PCDHGA2: variants seen among roughly 807,000 people sequenced by gnomAD.
PCDHGA2 encodes protocadherin gamma-A2.
In PCDHGA2, 40 loss-of-function variants were observed where a neutral mutation model predicts 59.2. The observed-to-expected ratio is 0.68, with a 90% CI of 0.52 to 0.88. The LOEUF (loss-of-function observed/expected upper bound fraction) is 0.88, where lower values mean the gene tolerates loss of function less well. Ranked by LOEUF, PCDHGA2 falls within the 40% of genes least tolerant of loss-of-function variation. The pLI is 0.00. For synonymous variants in PCDHGA2, 560 were observed against 526.0 expected (o/e 1.06, Z -0.89); for missense variants, 1,226 against 1,204.0 (o/e 1.02, Z -0.27).
At chr5:141,361,729 C>A in intron 1 of PCDHGA2, 1 of 1,613,256 alleles carries the variant, frequency 6.2e-7, no homozygotes, top group East Asian at 2.2e-5. Flanking sequence ...CGAGCTCACA[C>A]TGCAGGCCCG....
At chr5:141,399,196 G>A (rs201540226) in intron 1 of PCDHGA2, 2 of 1,613,938 alleles carry the variant, frequency 1.2e-6, no homozygotes, top group Non-Finnish European at 1.7e-6. Flanking sequence ...GGAAAACGCG[G>A]TGCCTGGAAC....
chr5:141,466,812 G>T (rs1394979761), intron 1 of PCDHGA2, among the ~76,000 whole-genome samples: 1 of 151,940 alleles, frequency 6.6e-6, no homozygotes, highest in African/African-American at 2.4e-5. Flanking sequence ...ATTCAGACAT[G>T]GTATAACAAG....
chr5:141,404,973 A>T, intron 1 of PCDHGA2: 1 of 1,613,952 alleles, frequency 6.2e-7, no homozygotes, highest in South Asian at 1.1e-5. Flanking sequence ...ATCCTGGCTG[A>T]CCTGGGCAGT....
At position 141,360,218 on chromosome 5, in the gene PCDHGA2, C is replaced by G. The variant is rs1331722103; in HGVS notation, c.2424+18823C>G. ...TTCCTGTTGTCTTTGTTCCCCGGGG[C>G]TCTCCCAGTCCAGATCCGCTATTCA... On this transcript the variant is annotated intron_variant, in intron 1 of 3. Transcript: ENST00000394576. The G allele has an allele frequency of 1.9e-6, 3 of 1,613,260 alleles. No homozygotes were observed. In the East Asian group the frequency reaches 6.7e-5, roughly 36 times the overall value.
At chr5:141,400,796 A>G (rs2094076929) in intron 1 of PCDHGA2, 1 of 559,742 alleles carries the variant, frequency 1.8e-6, no homozygotes. Context: ...CCTCTTTCTC[A>G]AAGCTAATGA....
intron 1 of PCDHGA2, chr5:141,388,629 G>T (rs755930967): frequency 6.2e-7 from 1 of 1,613,942 alleles, no homozygotes. Context: ...CGTATACAGG[G>T]TGAGCCTTTC....
Position 141,415,188 on chromosome 5 carries a change from C to G in PCDHGA2, c.2424+73793C>G, listed in dbSNP as rs2095841560. On this transcript the variant is annotated intron_variant, in intron 1 of 3. Coordinates refer to ENST00000394576, the MANE Select transcript of PCDHGA2 (RefSeq NM_018915.4). Reference sequence around the variant, plus strand: ...CGCTCACCGTGGCCGTGGCCGACAGCATCCCCCAAGTCCTGGCGGACCTCG... The same window carrying G: ...CGCTCACCGTGGCCGTGGCCGACAGGATCCCCCAAGTCCTGGCGGACCTCG... 3 of 1,614,006 alleles carry G rather than the reference C, an allele frequency of 1.9e-6. No homozygotes were observed. The East Asian group carries it at 6.7e-5, about 36-fold the overall frequency.
In PCDHGA2 at chr5:141,357,367, C is replaced by A. The variant is rs377276213; in HGVS notation, c.2424+15972C>A. On this transcript the variant is annotated intron_variant, in intron 1 of 3. Coordinates refer to ENST00000394576, the MANE Select transcript of PCDHGA2 (RefSeq NM_018915.4). The stretch of plus-strand genomic sequence containing the variant: ...CAAGCTGAGACGCTGGCACAAGTCA[C>A]GCCTGCTTCACGCTGAAGGCAGCAG... 6 of 1,614,060 alleles carry A rather than the reference C, an allele frequency of 3.7e-6. No individual in the cohort carries two copies. In the African/African-American group the frequency reaches 6.7e-5, roughly 18 times the overall value.
chr5:141,350,223 C>T lies in PCDHGA2; in HGVS notation c.2424+8828C>T, dbSNP rs1185126722. On this transcript the variant is annotated intron_variant, in intron 1 of 3. Coordinates refer to ENST00000394576, the MANE Select transcript of PCDHGA2 (RefSeq NM_018915.4). ...GGTGCTGCCATTTCTTTTTGAAAAACATCCCAGAGGAAAGAAGCTCCGCGG... is the reference window on the plus strand; with the variant it reads ...GGTGCTGCCATTTCTTTTTGAAAAATATCCCAGAGGAAAGAAGCTCCGCGG... 4 of 1,493,424 alleles carry T rather than the reference C, an allele frequency of 2.7e-6. No individual in the cohort carries two copies. The South Asian group carries it at 5.8e-5, about 22-fold the overall frequency. 92.5% of individuals were successfully genotyped at this position (1,493,424 alleles called of 1,614,324 possible).
Position 141,487,781 on chromosome 5 carries a change from G to T in PCDHGA2, c.2425-7026G>T. ...AGACGCTGTGCTTTGTAACTGTTTC[G>T]TGAATTAACCAGAGTTGTCACAGTT... On this transcript the variant is annotated intron_variant, in intron 1 of 3. Transcript: ENST00000394576. This position sits in a 1 kb window ranked among gnomAD's most constrained non-coding sequence, Gnocchi z 5.0. 2 of 1,526,850 alleles carry T rather than the reference G, an allele frequency of 1.3e-6. No homozygotes were observed. The highest frequency in any genetic ancestry group is 8.8e-7 in the Non-Finnish European group (1 of 1,130,880). The allele number at this position is 1,526,850 out of a possible 1,614,324, so 94.6% of individuals were successfully genotyped here. A position where few individuals can be genotyped will look rare whatever the true frequency, so the allele number is the denominator to read the frequency against.
In PCDHGA2 at chr5:141,511,028, T is replaced by G. The variant is rs1279056657; in HGVS notation, c.2654T>G (p.Leu885Arg). The G allele has an allele frequency of 3.7e-6, 6 of 1,614,084 alleles. No individual in the cohort carries two copies. The highest frequency in any genetic ancestry group is 1.7e-5 in the Admixed American group (1 of 60,004). ...LSARYGPQFT[L>R]QHVPDYRQNV... is the part of the protein sequence containing the mutation. The stretch of plus-strand genomic sequence containing the variant: ...GCCCGCTACGGACCCCAGTTCACCC[T>G]GCAGCACGTGCCCGACTACCGCCAG... Residue 885 changes from leucine to arginine, a missense_variant, in exon 4 of 4, where the codon CTG becomes CGG. Physicochemically the swap from Leu to Arg is moderately radical, Grantham distance 102. Transcript: ENST00000394576.
chr5:141,391,872 CTT>C (rs1248262671), intron 1 of PCDHGA2: 1 of 152,168 alleles, frequency 6.6e-6, no homozygotes, highest in East Asian at 1.9e-4. Context: ...TTAATCATCT[CTT>C]TGGTGAAAGG....
chr5:141,415,247 C>G, intron 1 of PCDHGA2: 1 of 1,614,210 alleles, frequency 6.2e-7, no homozygotes. Context: ...TCTGAAACCT[C>G]AGACCTCACT....
At chr5:141,381,022 G>T (rs1326220507) in intron 1 of PCDHGA2, among the ~76,000 whole-genome samples, 2 of 152,148 alleles carry the variant, frequency 1.3e-5, no homozygotes, top group African/African-American at 4.8e-5. Flanking sequence ...ACCTCTATTA[G>T]TTCCTTTAAA....
At chr5:141,453,101 TTTTTGTTTTG>T (rs879618609) in intron 1 of PCDHGA2, among the ~76,000 whole-genome samples, 16 of 152,130 alleles carry the variant, frequency 1.1e-4, no homozygotes, top group Middle Eastern at 3.4e-3. Flanking sequence ...TTCTGTTGCT[TTTTTGTTTTG>T]TTTTGTTTTG....
At chr5:141,345,524 G>C (rs1181733698) in intron 1 of PCDHGA2, 6 of 1,614,082 alleles carry the variant, frequency 3.7e-6, no homozygotes, top group Non-Finnish European at 5.1e-6. Flanking sequence ...ACACTCTCCA[G>C]GGGGCGCCCC....
At chr5:141,473,470 A>G (rs555568617) in intron 1 of PCDHGA2, among the ~76,000 whole-genome samples, 2 of 151,816 alleles carry the variant, frequency 1.3e-5, no homozygotes, top group South Asian at 4.2e-4. Flanking sequence ...AGTTGTGCCA[A>G]GTTCAATGGA....
chr5:141,373,195 T>C (rs1018941457), intron 1 of PCDHGA2, among the ~76,000 whole-genome samples: 1 of 152,262 alleles, frequency 6.6e-6, no homozygotes, highest in African/African-American at 2.4e-5. Context: ...ACATTATGTA[T>C]ATCTTAACAC....
intron 1 of PCDHGA2, chr5:141,478,670 C>G: frequency 6.4e-7 from 1 of 1,551,664 alleles, no homozygotes; most frequent in East Asian, 2.4e-5. Flanking sequence ...TTCACACTTT[C>G]AACTGGCCCT....
Sources: allele counts gnomAD v4.1 joint callset (sites outside exome capture counted in the v4.1 genomes callset), GRCh38; gene constraint gnomAD v4.1.1; non-coding constraint Gnocchi (gnomAD v3.1); transcripts MANE v1.5; gene names NCBI Gene and HGNC (gene_info 2026-07-23, HGNC 2026-07-21).